The following FCRL1 variants were observed in gnomAD, a reference collection of about 807,000 sequenced individuals.
FCRL1 encodes the protein Fc receptor like 1, also known as Fc receptor-like protein 1.
FCRL1 carries 34 observed loss-of-function variants against 49.2 expected under a neutral mutation model. The observed-to-expected ratio is 0.69, with a 90% confidence interval of 0.53 to 0.92. FCRL1 has a LOEUF of 0.92. Ranked by LOEUF, FCRL1 falls within the 40% of genes least tolerant of loss-of-function variation. The probability of loss-of-function intolerance (pLI) is 0.00; values close to 1 mark genes in which losing one functional copy is unlikely to be tolerated. For missense variants in FCRL1, 524 were observed against 524.1 expected (o/e 1.00, Z 0.00); for synonymous variants, 218 against 201.6 (o/e 1.08, Z -0.69).
intron 1 of FCRL1, among the ~76,000 whole-genome samples, chr1:157,808,936 T>C (rs766304953): frequency 6.6e-5 from 10 of 152,188 alleles, no homozygotes; most frequent in Non-Finnish European, 1.5e-4. Flanking sequence ...GGTAGTGACA[T>C]TTCCTGAATT....
Position 157,802,192 on chromosome 1 carries a change from G to C in FCRL1, c.609C>G (p.Ile203Met). 1 of 1,611,874 alleles carries C rather than the reference G, an allele frequency of 6.2e-7. No individual in the cohort carries two copies. The change falls in exon 5 of 11, where the codon ATC becomes ATG. Residue 203 changes from isoleucine (I) to methionine (M), a missense_variant and splice_region_variant. Physicochemically the swap from Ile to Met is conservative, Grantham distance 10. Coordinates refer to ENST00000368176, the MANE Select transcript of FCRL1 (RefSeq NM_052938.5). ...PSGLVSITVR[I>M]PVSRPILMLR... is the part of the protein sequence containing the mutation. ...GCATGAGGATTGGGCGAGACACCGG[G>C]ACTGAGGGAGACAGTAGACTGTAAG...
chr1:157,806,731 T>C lies in FCRL1; in HGVS notation c.52+371A>G, dbSNP rs575752105. 21 of 183,718 alleles carry C rather than the reference T, an allele frequency of 1.1e-4. No individual in the cohort carries two copies. In the East Asian group the frequency reaches 2.8e-3, roughly 24 times the overall value. The allele number at this position is 183,718 out of a possible 1,614,324, so 11.4% of individuals were successfully genotyped here. On this transcript the variant is annotated intron_variant, in intron 2 of 10. Coordinates refer to ENST00000368176, the MANE Select transcript of FCRL1 (RefSeq NM_052938.5). ...CCCAGCTGAGAAGCACAACTGGGAA[T>C]TGGAGCTCCTGAGGCTGGGAGGACA... is the stretch of plus-strand genomic sequence containing the variant.
At chr1:157,810,226 C>T (rs2101884421) in intron 1 of FCRL1, among the ~76,000 whole-genome samples, 1 of 151,530 alleles carries the variant, frequency 6.6e-6, no homozygotes, top group East Asian at 1.9e-4. Flanking sequence ...AATGAGTTTA[C>T]CAGGGGTTAG....
intron 1 of FCRL1, among the ~76,000 whole-genome samples, chr1:157,817,579 A>G (rs1655212467): frequency 6.6e-6 from 1 of 152,106 alleles, no homozygotes; most frequent in Non-Finnish European, 1.5e-5. Flanking sequence ...CTACTAGGAG[A>G]AAACATTGGG....
At chr1:157,815,798 A>G (rs1242443228) in intron 1 of FCRL1, among the ~76,000 whole-genome samples, 1 of 151,930 alleles carries the variant, frequency 6.6e-6, no homozygotes, top group Non-Finnish European at 1.5e-5. Flanking sequence ...ATAAAGGATA[A>G]AGGATTATAA....
intron 1 of FCRL1, among the ~76,000 whole-genome samples, chr1:157,808,979 T>A (rs1294838780): frequency 2.6e-5 from 4 of 152,166 alleles, no homozygotes; most frequent in Non-Finnish European, 5.9e-5. Flanking sequence ...GGTTAAGTTT[T>A]GTGGTGGTGG....
At chr1:157,797,735 T>C in intron 9 of FCRL1, 133 bp downstream of exon 9, 2 of 1,568,806 alleles carry the variant, frequency 1.3e-6, no homozygotes, top group Non-Finnish European at 1.7e-6. Flanking sequence ...AGGACAGCCA[T>C]TAAGTACACA....
At chr1:157,801,623 G>A in intron 5 of FCRL1, 46 bp from the exon 6 acceptor site, 1 of 1,356,974 alleles carries the variant, frequency 7.4e-7, no homozygotes. Context: ...GAAGGGCTTG[G>A]GGCTTAGAGA....
At position 157,797,035 on chromosome 1, in the gene FCRL1, G is replaced by A. The variant is rs1651605461; in HGVS notation, c.1218+66C>T. 7 of 1,527,216 alleles carry A rather than the reference G, an allele frequency of 4.6e-6. No individual in the cohort carries two copies. In the East Asian group the frequency reaches 1.4e-4, roughly 29 times the overall value. The allele number at this position is 1,527,216 out of a possible 1,614,324, so 94.6% of individuals were successfully genotyped here. A position where few individuals can be genotyped will look rare whatever the true frequency, so the allele number is the denominator to read the frequency against. On this transcript the variant is annotated intron_variant, in intron 10 of 10. Coordinates refer to ENST00000368176, the MANE Select transcript of FCRL1 (RefSeq NM_052938.5). ...CTCTTTCTAAGTGGCTATAATTTAA[G>A]AAGTTTGAGAACCAGTCCCCAGAGG...
chr1:157,798,195 A>T lies in FCRL1; in HGVS notation c.1080T>A (p.Pro360=). ...ATATAGGCTGTAGCTGCCCTGGGGT[A>T]GGTGAGTTGAGGTAGGTGAACTCTT... ...LPQEFTYLNS[P]TPGQLQPIYE... Residue 360 remains proline, a synonymous_variant, in exon 8 of 11, where the codon CCT becomes CCA. Transcript: ENST00000368176. The T allele has an allele frequency of 6.2e-7, 1 of 1,613,332 alleles. No homozygotes were observed. The highest frequency in any genetic ancestry group is 1.7e-4 in the Middle Eastern group (1 of 6,050).
At position 157,796,079 on chromosome 1, in the gene FCRL1, G is replaced by A. The variant is rs763877003; in HGVS notation, c.*20C>T. 8.7e-6 allele frequency: 14 copies of A among 1,608,852 alleles called. No individual in the cohort carries two copies. The South Asian group carries it at 1.4e-4, about 16-fold the overall frequency. ...CTTGGGGTCATGGATGGTTTTCAAA[G>A]AGCAGAATCTTCCATAACCTTACAT... On this transcript the variant is annotated 3_prime_UTR_variant, in exon 11 of 11. Coordinates refer to ENST00000368176, the MANE Select transcript of FCRL1 (RefSeq NM_052938.5).
In FCRL1 at chr1:157,800,038, A is replaced by C. The variant is rs772332438; in HGVS notation, c.1031+20T>G. ...AGATTTTTCTGCATTATTGACACCT[A>C]TAGTGAAAACAGGCCTCACCTGAGT... On this transcript the variant is annotated intron_variant, in intron 7 of 10. Coordinates refer to ENST00000368176, the MANE Select transcript of FCRL1 (RefSeq NM_052938.5). The C allele has an allele frequency of 6.2e-7, 1 of 1,610,092 alleles. No individual in the cohort carries two copies. Among genetic ancestry groups the C allele is most frequent in the African/African-American group, 1.3e-5 (1 of 74,762 alleles).
At chr1:157,811,094 T>C (rs1390006439) in intron 1 of FCRL1, among the ~76,000 whole-genome samples, 1 of 152,140 alleles carries the variant, frequency 6.6e-6, no homozygotes, top group Non-Finnish European at 1.5e-5. Context: ...GAAAACTTTA[T>C]AAAGGGAAAC....
At position 157,796,025 on chromosome 1, in the gene FCRL1, G is replaced by A. The variant is rs1010922409; in HGVS notation, c.*74C>T. The A allele has an allele frequency of 3.5e-5, 43 of 1,234,566 alleles. No homozygotes were observed. Among genetic ancestry groups the A allele is most frequent in the Non-Finnish European group, 4.8e-5 (40 of 835,076 alleles). The allele number at this position is 1,234,566 out of a possible 1,614,324, so 76.5% of individuals were successfully genotyped here. A position where few individuals can be genotyped will look rare whatever the true frequency, so the allele number is the denominator to read the frequency against. ...GTATACTGGAAAGCTAATGCCCCAG[G>A]ATCTCTGAAGAACATATCAGGCCTG... is the stretch of plus-strand genomic sequence containing the variant. On this transcript the variant is annotated 3_prime_UTR_variant, in exon 11 of 11. Transcript: ENST00000368176.
chr1:157,809,548 A>C (rs968030566), intron 1 of FCRL1, among the ~76,000 whole-genome samples: 3 of 152,218 alleles, frequency 2.0e-5, no homozygotes, highest in Non-Finnish European at 4.4e-5. Flanking sequence ...TCTCGGGTTC[A>C]AGCGATTCTC....
intron 1 of FCRL1, among the ~76,000 whole-genome samples, chr1:157,812,972 C>G (rs1998815): frequency 0.44 from 66,876 of 151,944 alleles, 15,039 homozygotes; most frequent in African/African-American, 0.53. Flanking sequence ...GCCACTGAGG[C>G]ACACACAAGC....
chr1:157,808,793 T>C (rs1469603899), intron 1 of FCRL1, among the ~76,000 whole-genome samples: 1 of 152,188 alleles, frequency 6.6e-6, no homozygotes, highest in African/African-American at 2.4e-5. Flanking sequence ...TGATATGAAG[T>C]GGTCAGACTT....
intron 1 of FCRL1, among the ~76,000 whole-genome samples, chr1:157,812,616 C>G (rs1456737428): frequency 6.6e-6 from 1 of 151,974 alleles, no homozygotes; most frequent in African/African-American, 2.4e-5. Flanking sequence ...CCTGTTGGGC[C>G]TGAGATACTG....
At chr1:157,819,889 G>T in intron 1 of FCRL1, 118 bp downstream of exon 1, 1 of 1,183,914 alleles carries the variant, frequency 8.4e-7, no homozygotes, top group Non-Finnish European at 1.2e-6. Context: ...GTGGAGATCT[G>T]AGCACCCCTG....
Sources: allele counts gnomAD v4.1 joint callset (sites outside exome capture counted in the v4.1 genomes callset), GRCh38; gene constraint gnomAD v4.1.1; transcripts MANE v1.5; gene names NCBI Gene and HGNC (gene_info 2026-07-23, HGNC 2026-07-21).